Variants in BOC observed in about 807,000 individuals in gnomAD.
BOC encodes brother of CDO.
BOC carries 76 observed loss-of-function variants against 112.0 expected under a neutral mutation model. The ratio of observed to expected loss-of-function variants is 0.68; its 90% CI spans 0.56 to 0.82. The LOEUF (loss-of-function observed/expected upper bound fraction) is 0.82, where lower values mean the gene tolerates loss of function less well. Among genes scored for constraint, BOC ranks in the 40% least tolerant of loss-of-function variants. BOC has a pLI of 0.00. For missense variants in BOC, 1,309 were observed against 1,511.7 expected, an observed-to-expected ratio of 0.87 and a Z score of 2.22; for synonymous variants, 580 against 599.8, an observed-to-expected ratio of 0.97 and a Z score of 0.48.
In BOC at chr3:113,272,722, C is replaced by T; in HGVS notation, c.961+19C>T. 6.2e-7 allele frequency: 1 copy of T among 1,610,148 alleles called. No individual in the cohort carries two copies. The highest frequency in any genetic ancestry group is 8.5e-7 in the Non-Finnish European group (1 of 1,177,312). On this transcript the variant is annotated intron_variant, in intron 7 of 19. Coordinates refer to ENST00000682979, the MANE Select transcript of BOC (RefSeq NM_001378074.1). ...GTGTTTGGTGAGTGTCTGCTGTGGA[C>T]TGTCTTCTGCTTGGCCTTCTCTCTG...
At chr3:113,273,993 G>GTT (rs1194130696) in intron 8 of BOC, among the ~76,000 whole-genome samples, 1 of 152,220 alleles carries the variant, frequency 6.6e-6, no homozygotes, top group Admixed American at 6.5e-5. Flanking sequence ...GTGCCGTGGT[G>GTT]TTAAAATTCC....
intron 4 of BOC, 28 bp from the exon 5 acceptor site, chr3:113,268,271 C>T: frequency 6.2e-7 from 1 of 1,613,402 alleles, no homozygotes; most frequent in Non-Finnish European, 8.5e-7. Flanking sequence ...TGCTGTCCTC[C>T]AACCAGCACC....
Position 113,272,511 on chromosome 3 carries a change from A to T in BOC, c.769A>T (p.Ile257Phe), listed in dbSNP as rs761857116. 1.9e-6 allele frequency: 3 copies of T among 1,613,944 alleles called. No individual in the cohort carries two copies. The South Asian group carries it at 3.3e-5, about 18-fold the overall frequency. The change falls in exon 7 of 20, where the codon ATC (isoleucine) becomes TTC (phenylalanine). Residue 257 changes from isoleucine to phenylalanine, a missense_variant. By Grantham distance (21) the Ile-to-Phe change is conservative. Coordinates refer to ENST00000682979, the MANE Select transcript of BOC (RefSeq NM_001378074.1). ...SLILECVASGIPPPRVTWAKD... is the reference protein window; with the variant it reads ...SLILECVASGFPPPRVTWAKD... Reference sequence around the variant, plus strand: ...CATTCTGGAGTGTGTGGCCAGTGGAATCCCACCCCCACGGGTCACCTGGGC... The same window carrying T: ...CATTCTGGAGTGTGTGGCCAGTGGATTCCCACCCCCACGGGTCACCTGGGC...
rs561511082 is a variant in BOC, at chr3:113,270,987, T to C, written c.667+43T>C. 1.9e-6 allele frequency: 3 copies of C among 1,613,044 alleles called. No individual in the cohort carries two copies. In the South Asian group the frequency reaches 3.3e-5, roughly 18 times the overall value. On this transcript the variant is annotated intron_variant, in intron 6 of 19. Coordinates refer to ENST00000682979, the MANE Select transcript of BOC (RefSeq NM_001378074.1). Reference sequence around the variant, plus strand: ...CTGCTGGGGGATGGGGGATCACTGATGGAAGGGCTCACAAAGATGGAAAGG... The same window carrying C: ...CTGCTGGGGGATGGGGGATCACTGACGGAAGGGCTCACAAAGATGGAAAGG...
intron 4 of BOC, among the ~76,000 whole-genome samples, chr3:113,262,222 C>T (rs1016919000): frequency 7.2e-5 from 11 of 152,216 alleles, no homozygotes; most frequent in Admixed American, 3.9e-4. Flanking sequence ...ACTCTGCCAA[C>T]TGTGTTTCTA....
chr3:113,279,662 G>A, intron 12 of BOC, 162 bp from the exon 13 acceptor site: 2 of 870,256 alleles, frequency 2.3e-6, no homozygotes, highest in Non-Finnish European at 3.5e-6. Context: ...CTCCCCTGCA[G>A]CTCAGCTCTG....
At chr3:113,229,067 T>A (rs1219752988) in intron 2 of BOC, among the ~76,000 whole-genome samples, 2 of 152,220 alleles carry the variant, frequency 1.3e-5, no homozygotes, top group Non-Finnish European at 2.9e-5. Context: ...GCTTCATTCC[T>A]GGACTGGGAG....
At chr3:113,273,423 A>T in intron 8 of BOC, 82 bp downstream of exon 8, 1 of 1,421,986 alleles carries the variant, frequency 7.0e-7, no homozygotes, top group Admixed American at 2.7e-5. Flanking sequence ...TTGGAACCCC[A>T]GTATATAAGA....
intron 2 of BOC, among the ~76,000 whole-genome samples, chr3:113,242,705 CA>C (rs1299475592): frequency 1.3e-5 from 2 of 152,026 alleles, no homozygotes; most frequent in Non-Finnish European, 2.9e-5. Context: ...TTCCCTTGCT[CA>C]AAAACCATCA....
chr3:113,286,827 C>T lies in BOC; in HGVS notation c.3313C>T (p.Arg1105Cys), dbSNP rs145326895. Residue 1105 changes from arginine (R) to cysteine (C), a missense_variant, in exon 20 of 20, where the codon CGT becomes TGT. Physicochemically the swap from Arg to Cys is radical, Grantham distance 180. Coordinates refer to ENST00000682979, the MANE Select transcript of BOC (RefSeq NM_001378074.1). Reference sequence around the variant, plus strand: ...GCAGCTCTCCCCGGGGCCACTGGTGCGTGTGTCTTTTGAAACACCACCTCT... The same window carrying T: ...GCAGCTCTCCCCGGGGCCACTGGTGTGTGTGTCTTTTGAAACACCACCTCT... ...GMQLSPGPLV[R>C]VSFETPPLTI 14 of 1,603,110 alleles carry T rather than the reference C, an allele frequency of 8.7e-6. No individual in the cohort carries two copies. The East Asian group carries it at 2.0e-4, about 23-fold the overall frequency.
At chr3:113,264,824 G>A (rs913180845) in intron 4 of BOC, among the ~76,000 whole-genome samples, 1 of 152,158 alleles carries the variant, frequency 6.6e-6, no homozygotes, top group African/African-American at 2.4e-5. Context: ...ACGGGGGGAG[G>A]GGGGATAGAG....
chr3:113,280,749 G>A lies in BOC; in HGVS notation c.2311+86G>A, dbSNP rs954789650. The stretch of plus-strand genomic sequence containing the variant: ...GGACAAGGTATTGGTGAAATCTGGT[G>A]AAGCATAAACCTGCATCTGGTGTGA... On this transcript the variant is annotated intron_variant, in intron 14 of 19. Transcript: ENST00000682979. The A allele has an allele frequency of 1.4e-5, 17 of 1,183,956 alleles. No homozygotes were observed. The Admixed American group carries it at 2.7e-4, about 19-fold the overall frequency. 73.3% of individuals were successfully genotyped at this position (1,183,956 alleles called of 1,614,324 possible). A position where few individuals can be genotyped will look rare whatever the true frequency, so the allele number is the denominator to read the frequency against.
chr3:113,256,491 CT>C (rs1479853963), intron 4 of BOC, among the ~76,000 whole-genome samples: 2 of 152,188 alleles, frequency 1.3e-5, no homozygotes, highest in Non-Finnish European at 2.9e-5. Context: ...ATACAGACAG[CT>C]GTTGTTTTGC....
chr3:113,274,428 G>A lies in BOC; in HGVS notation c.1288G>A (p.Val430Ile), dbSNP rs779209086. Reference protein sequence around the residue: ...DAELATGTPPVSPSKLGNPEQ... With the variant: ...DAELATGTPPISPSKLGNPEQ... The stretch of plus-strand genomic sequence containing the variant: ...TGAGCTGGCTACTGGCACACCTCCT[G>A]TATCACCCTCCAAACTCGGCAACCC... Residue 430 changes from valine (V) to isoleucine (I), a missense_variant, in exon 9 of 20, where the codon GTA becomes ATA. Physicochemically the swap from Val to Ile is conservative, Grantham distance 29. Coordinates refer to ENST00000682979, the MANE Select transcript of BOC (RefSeq NM_001378074.1). This position sits in a 1 kb window ranked among gnomAD's most constrained non-coding sequence, Gnocchi z 4.8. 2 of 1,594,922 alleles carry A rather than the reference G, an allele frequency of 1.3e-6. No homozygotes were observed. The highest frequency in any genetic ancestry group is 1.3e-5 in the African/African-American group (1 of 74,746).
chr3:113,266,813 A>T (rs1421120237), intron 4 of BOC, among the ~76,000 whole-genome samples: 1 of 152,236 alleles, frequency 6.6e-6, no homozygotes, highest in Non-Finnish European at 1.5e-5. Flanking sequence ...TCACAGAAAC[A>T]ACAGGGCTTC....
intron 4 of BOC, among the ~76,000 whole-genome samples, chr3:113,259,216 T>C (rs923916508): frequency 6.6e-6 from 1 of 152,226 alleles, no homozygotes; most frequent in African/African-American, 2.4e-5. Context: ...GTGCATCTTC[T>C]ACCAAGGACA....
In BOC at chr3:113,251,097, TTGACA is replaced by T. The variant is rs1391447408; in HGVS notation, c.376+267_376+271del. 10 of 599,148 alleles carry T rather than the reference TTGACA, an allele frequency of 1.7e-5. No individual in the cohort carries two copies. The East Asian group carries it at 2.8e-4, about 17-fold the overall frequency. The allele number at this position is 599,148 out of a possible 1,614,324, so 37.1% of individuals were successfully genotyped here. On this transcript the variant is annotated intron_variant, in intron 4 of 19. Coordinates refer to ENST00000682979, the MANE Select transcript of BOC (RefSeq NM_001378074.1). The stretch of plus-strand genomic sequence containing the variant: ...GGAATTGGTCAGTGCATGGCAGAAC[TTGACA>T]TGGCAGAACTGTTCCGTGGGCCCCA...
intron 12 of BOC, 44 bp from the exon 13 acceptor site, chr3:113,279,780 G>A: frequency 3.2e-6 from 5 of 1,546,320 alleles, no homozygotes; most frequent in Non-Finnish European, 4.4e-6. Context: ...AGAATCAGAA[G>A]GTATTTCCCA....
intron 7 of BOC, 38 bp downstream of exon 7, chr3:113,272,741 C>T (rs1391512798): frequency 6.2e-7 from 1 of 1,603,360 alleles, no homozygotes; most frequent in Non-Finnish European, 8.5e-7. Context: ...GCTTGGCCTT[C>T]TCTCTGGTCT....
Sources: gnomAD v4.1 joint callset for allele counts (sites outside exome capture counted in the v4.1 genomes callset) on GRCh38, gnomAD v4.1.1 for gene constraint, Gnocchi (gnomAD v3.1) non-coding constraint, MANE v1.5 for transcripts, NCBI Gene and HGNC (gene_info 2026-07-23, HGNC 2026-07-21) for gene names.